Variants in ARB2A observed in about 807,000 individuals in gnomAD.
ARB2A encodes the protein cotranscriptional regulator ARB2A.
chr5:93,623,285 CTT>C, the ARB2A span, among the ~76,000 whole-genome samples: 3 of 151,256 alleles, frequency 2.0e-5, no homozygotes, highest in East Asian at 5.8e-4. Context: ...TTAATTGTCT[CTT>C]TTCGTAACCA....
the ARB2A span, among the ~76,000 whole-genome samples, chr5:93,633,683 C>G: frequency 6.6e-6 from 1 of 152,094 alleles, no homozygotes; most frequent in Non-Finnish European, 1.5e-5. Flanking sequence ...AAGCAAATCG[C>G]AAGGAATACA....
chr5:93,621,142 A>C, the ARB2A span: 42 of 1,593,698 alleles, frequency 2.6e-5, no homozygotes, highest in Non-Finnish European at 3.3e-5. Context: ...GCAAAGAACA[A>C]CACATTCGGT....
chr5:93,895,100 G>A, the ARB2A span, among the ~76,000 whole-genome samples: 1 of 152,102 alleles, frequency 6.6e-6, no homozygotes, highest in Non-Finnish European at 1.5e-5. Context: ...CTCAACAAAG[G>A]GCTGCTGTAT....
the ARB2A span, among the ~76,000 whole-genome samples, chr5:93,748,826 A>C: frequency 6.6e-6 from 1 of 152,146 alleles, no homozygotes; most frequent in Non-Finnish European, 1.5e-5. Flanking sequence ...ACTGAGAATT[A>C]AAGTGCTTTA....
the ARB2A span, among the ~76,000 whole-genome samples, chr5:93,771,047 T>A: frequency 4.6e-5 from 7 of 152,118 alleles, no homozygotes; most frequent in Non-Finnish European, 7.3e-5. Context: ...CTACCTGACT[T>A]CAAACTATAC....
the ARB2A span, among the ~76,000 whole-genome samples, chr5:93,690,370 A>C: frequency 2.0e-5 from 3 of 152,114 alleles, no homozygotes; most frequent in Admixed American, 2.0e-4. Flanking sequence ...TGGTGGGGGG[A>C]AGGGTGTCCG....
the ARB2A span, among the ~76,000 whole-genome samples, chr5:94,080,720 G>A: frequency 2.0e-5 from 3 of 152,160 alleles, no homozygotes; most frequent in Non-Finnish European, 4.4e-5. Flanking sequence ...AACCCCGATA[G>A]GCAATATTTG....
the ARB2A span, chr5:93,740,875 T>C: frequency 6.2e-7 from 1 of 1,613,876 alleles, no homozygotes; most frequent in African/African-American, 1.3e-5. Context: ...AGGGCACCGC[T>C]GGAAGAATTT....
the ARB2A span, among the ~76,000 whole-genome samples, chr5:93,814,770 T>C: frequency 2.8e-4 from 42 of 152,354 alleles, no homozygotes; most frequent in African/African-American, 1.0e-3. Flanking sequence ...TTATCTTTAA[T>C]AACAATTTTT....
At chr5:93,853,110 G>C in the ARB2A span, among the ~76,000 whole-genome samples, 29 of 152,134 alleles carry the variant, frequency 1.9e-4, no homozygotes, top group Admixed American at 5.2e-4. Context: ...TCTTCCATTT[G>C]TTTGTATCCT....
the ARB2A span, among the ~76,000 whole-genome samples, chr5:93,744,434 CAAAAAAAAA>C: frequency 5.5e-4 from 8 of 14,536 alleles, no homozygotes; most frequent in East Asian, 5.3e-3. Flanking sequence ...GACTCAGTCT[CAAAAAAAAA>C]AAAAAAAAAA....
At chr5:93,867,563 G>A in the ARB2A span, among the ~76,000 whole-genome samples, 3 of 151,944 alleles carry the variant, frequency 2.0e-5, no homozygotes, top group Non-Finnish European at 2.9e-5. Context: ...GACTACAGGC[G>A]TGTGCCACCA....
the ARB2A span, among the ~76,000 whole-genome samples, chr5:93,716,490 G>A: frequency 6.6e-6 from 1 of 151,882 alleles, no homozygotes; most frequent in African/African-American, 2.4e-5. Context: ...GAGAAAATGA[G>A]TTTTGCTAAT....
At chr5:94,038,304 T>C in the ARB2A span, among the ~76,000 whole-genome samples, 2 of 152,048 alleles carry the variant, frequency 1.3e-5, no homozygotes, top group South Asian at 4.1e-4. Flanking sequence ...AGAAACATTA[T>C]TTCTTGGCAT....
the ARB2A span, among the ~76,000 whole-genome samples, chr5:93,717,076 T>A: frequency 6.6e-6 from 1 of 152,180 alleles, no homozygotes; most frequent in African/African-American, 2.4e-5. Flanking sequence ...ATATTTAATT[T>A]AGGTTTTGGA....
chr5:94,052,208 C>A, the ARB2A span, among the ~76,000 whole-genome samples: 2 of 152,160 alleles, frequency 1.3e-5, no homozygotes, highest in East Asian at 3.8e-4. Context: ...ACTTTTTCCC[C>A]AGGGGTATTC....
At chr5:93,678,714 C>T in the ARB2A span, among the ~76,000 whole-genome samples, 1 of 151,736 alleles carries the variant, frequency 6.6e-6, no homozygotes, top group African/African-American at 2.4e-5. Flanking sequence ...AGAGAGCGGG[C>T]CATTACACTC....
At chr5:93,875,874 G>C in the ARB2A span, among the ~76,000 whole-genome samples, 2 of 151,924 alleles carry the variant, frequency 1.3e-5, no homozygotes, top group African/African-American at 4.8e-5. Context: ...AATCCGATAT[G>C]AACAGCAGCA....
chr5:93,915,271 G>T, the ARB2A span, among the ~76,000 whole-genome samples: 2 of 151,702 alleles, frequency 1.3e-5, no homozygotes, highest in Admixed American at 1.3e-4. Context: ...CCTTTATGAG[G>T]TAATACTGCC....
Sources: gnomAD v4.1 joint callset for allele counts (sites outside exome capture counted in the v4.1 genomes callset) on GRCh38, gnomAD v4.1.1 for gene constraint, MANE v1.5 for transcripts, NCBI Gene and HGNC (gene_info 2026-07-23, HGNC 2026-07-21) for gene names.